The following NRXN1 variants were observed in gnomAD, a reference collection of about 807,000 sequenced individuals.
NRXN1 encodes the protein neurexin-1.
NRXN1 carries 39 observed loss-of-function variants against 150.9 expected under a neutral mutation model. The ratio of observed to expected loss-of-function variants is 0.26; its 90% confidence interval spans 0.20 to 0.34. The LOEUF (loss-of-function observed/expected upper bound fraction) is 0.34. Among genes scored for constraint, NRXN1 ranks in the 10% least tolerant of loss-of-function variants. The pLI is 1.00. For missense variants in NRXN1, 1,815 were observed against 1,949.9 expected, an observed-to-expected ratio of 0.93 and a Z score of 1.30; for synonymous variants, 924 against 757.0, an observed-to-expected ratio of 1.22 and a Z score of -3.62.
At chr2:50,853,372 C>T (rs552848991) in intron 5 of NRXN1, among the ~76,000 whole-genome samples, 1 of 152,208 alleles carries the variant, frequency 6.6e-6, no homozygotes, top group Non-Finnish European at 1.5e-5. Flanking sequence ...CAATGGCACA[C>T]TCCATTATTA....
chr2:50,679,812 C>T (rs1034578903), intron 5 of NRXN1, among the ~76,000 whole-genome samples: 6 of 152,186 alleles, frequency 3.9e-5, no homozygotes, highest in Admixed American at 6.6e-5. Context: ...GTCCTATATG[C>T]TATGCTACCT....
chr2:49,981,666 C>A (rs536411002), intron 21 of NRXN1, among the ~76,000 whole-genome samples: 1 of 152,180 alleles, frequency 6.6e-6, no homozygotes, highest in South Asian at 2.1e-4. Flanking sequence ...TATGTACATA[C>A]AGAACCCACA....
chr2:50,541,120 G>T (rs2093379716), intron 9 of NRXN1, among the ~76,000 whole-genome samples: 1 of 152,154 alleles, frequency 6.6e-6, no homozygotes, highest in Non-Finnish European at 1.5e-5. Context: ...ACGGAACTTA[G>T]CAAAGGAACA....
chr2:50,674,468 A>G (rs1462211248), intron 5 of NRXN1, among the ~76,000 whole-genome samples: 1 of 152,096 alleles, frequency 6.6e-6, no homozygotes, highest in Non-Finnish European at 1.5e-5. Context: ...TGATTTTTAG[A>G]CAGGAATAGC....
At chr2:50,259,922 T>C (rs145197124) in intron 17 of NRXN1, among the ~76,000 whole-genome samples, 7 of 151,956 alleles carry the variant, frequency 4.6e-5, no homozygotes, top group East Asian at 1.9e-4. Flanking sequence ...AGGTGAGCAA[T>C]AGGATCTAGT....
chr2:50,466,868 G>A (rs2088932000), intron 16 of NRXN1, among the ~76,000 whole-genome samples: 1 of 151,774 alleles, frequency 6.6e-6, no homozygotes, highest in South Asian at 2.1e-4. Context: ...CAGATACAGT[G>A]TAGACTATGA....
chr2:50,474,682 G>GAAAAAAAAAA (rs1558794690), intron 15 of NRXN1, among the ~76,000 whole-genome samples: 1 of 4,174 alleles, frequency 2.4e-4, no homozygotes, highest in African/African-American at 5.1e-4. Context: ...CACAGAAATA[G>GAAAAAAAAAA]CAAAAAAAAA....
chr2:50,472,054 A>AAAAG (rs2089526186), intron 16 of NRXN1, among the ~76,000 whole-genome samples: 1 of 150,410 alleles, frequency 6.6e-6, no homozygotes, highest in African/African-American at 2.5e-5. Flanking sequence ...AAAAGCAAAA[A>AAAAG]CAGGCAAAAA....
At chr2:50,577,649 G>A (rs942730616) in intron 8 of NRXN1, among the ~76,000 whole-genome samples, 1 of 151,858 alleles carries the variant, frequency 6.6e-6, no homozygotes. Context: ...AACAACTTGG[G>A]ACATATATAA....
At chr2:50,366,117 A>G (rs1422853358) in intron 17 of NRXN1, among the ~76,000 whole-genome samples, 1 of 151,078 alleles carries the variant, frequency 6.6e-6, no homozygotes, top group Non-Finnish European at 1.5e-5. Context: ...TTGGGTAAAT[A>G]AAGTTTGAAT....
chr2:51,028,106 G>C lies in NRXN1; in HGVS notation c.168C>G (p.Phe56Leu). The C allele has an allele frequency of 2.5e-6, 4 of 1,579,810 alleles. No homozygotes were observed. Among genetic ancestry groups the C allele is most frequent in the Non-Finnish European group, 3.4e-6 (4 of 1,165,712 alleles). Residue 56 changes from phenylalanine (F) to leucine (L), a missense_variant, in exon 2 of 23, where the codon TTC (phenylalanine) becomes TTG (leucine). Around this residue, in one of 6 missense-constraint regions of NRXN1, gnomAD observed 554 missense variants for 478.8 expected, o/e 1.16. Coordinates refer to ENST00000401669, the MANE Select transcript of NRXN1 (RefSeq NM_001330078.2). ...CGCGGGCGCTGCGAGTCTTGAGCTG[G>C]AAGCTCATCTCGCTCTCGCAGCAGG... ...WNACCESEMS[F>L]QLKTRSARGL... is the part of the protein sequence containing the mutation.
intron 2 of NRXN1, chr2:51,026,434 G>T: frequency 6.2e-7 from 1 of 1,605,260 alleles, no homozygotes; most frequent in Admixed American, 1.7e-5. Flanking sequence ...TCATGTAACA[G>T]CACCGGCAAA....
chr2:50,876,697 T>C (rs1452199501), intron 5 of NRXN1, among the ~76,000 whole-genome samples: 3 of 151,838 alleles, frequency 2.0e-5, no homozygotes, highest in African/African-American at 7.2e-5. Flanking sequence ...CAGTAACTAA[T>C]ATACATTCCA....
At chr2:50,369,796 A>G (rs1253741840) in intron 17 of NRXN1, among the ~76,000 whole-genome samples, 1 of 151,970 alleles carries the variant, frequency 6.6e-6, no homozygotes, top group Non-Finnish European at 1.5e-5. Context: ...GTGAACTCTG[A>G]TGCTTTCTGA....
intron 22 of NRXN1, among the ~76,000 whole-genome samples, chr2:49,942,614 T>TATTATTATTATTATTATTA (rs112672714): frequency 1.4e-3 from 209 of 148,984 alleles, no homozygotes; most frequent in East Asian, 3.4e-3. Flanking sequence ...TTATTATTAT[T>TATTATTATTATTATTATTA]TTATTATTAT....
At chr2:50,945,899 T>TATATACACAC (rs371095334) in intron 2 of NRXN1, among the ~76,000 whole-genome samples, 3 of 103,022 alleles carry the variant, frequency 2.9e-5, no homozygotes, top group African/African-American at 1.2e-4. Flanking sequence ...TATATATATA[T>TATATACACAC]ACACACACAC....
At chr2:50,194,572 G>C (rs2061640831) in intron 18 of NRXN1, among the ~76,000 whole-genome samples, 1 of 152,118 alleles carries the variant, frequency 6.6e-6, no homozygotes, top group Non-Finnish European at 1.5e-5. Flanking sequence ...GCATTCTAAA[G>C]ATGTGACAGT....
At chr2:50,171,236 A>AGTGT (rs10666950) in intron 18 of NRXN1, among the ~76,000 whole-genome samples, 119 of 149,034 alleles carry the variant, frequency 8.0e-4, no homozygotes, top group African/African-American at 1.2e-3. Flanking sequence ...TCAAGACTCA[A>AGTGT]GTGTGTGTGT....
intron 18 of NRXN1, among the ~76,000 whole-genome samples, chr2:50,187,216 T>A (rs536057045): frequency 6.6e-6 from 1 of 152,116 alleles, no homozygotes; most frequent in African/African-American, 2.4e-5. Flanking sequence ...ATATTACACA[T>A]CCTGAGAAAC....
Sources: gnomAD v4.1 joint callset for allele counts (sites outside exome capture counted in the v4.1 genomes callset) on GRCh38, gnomAD v4.1.1 for gene constraint, gnomAD v4.1.1 regional missense constraint, MANE v1.5 for transcripts, NCBI Gene and HGNC (gene_info 2026-07-23, HGNC 2026-07-21) for gene names.